DDX4: variants seen among roughly 807,000 people sequenced by gnomAD.
DDX4 encodes the protein DEAD-box helicase 4.
Under a neutral mutation model 100.0 loss-of-function variants are expected in DDX4, and 25 were observed. That is an observed-to-expected ratio of 0.25 (90% confidence interval 0.18 to 0.35). DDX4 has a LOEUF of 0.35. Among genes scored for constraint, DDX4 ranks in the 10% least tolerant of loss-of-function variants. The probability of loss-of-function intolerance (pLI) is 1.00; values close to 1 mark genes in which losing one functional copy is unlikely to be tolerated. For missense variants in DDX4, 635 were observed against 882.4 expected (o/e 0.72, Z 3.55); for synonymous variants, 259 against 275.7 (o/e 0.94, Z 0.60).
chr5:55,809,973 A>G (rs900851242), intron 18 of DDX4, among the ~76,000 whole-genome samples: 1 of 152,216 alleles, frequency 6.6e-6, no homozygotes, highest in African/African-American at 2.4e-5. Flanking sequence ...CCTGAGGGTA[A>G]AAGTATACTT....
At chr5:55,787,630 T>A (rs1812881) in intron 14 of DDX4, among the ~76,000 whole-genome samples, 3 of 151,924 alleles carry the variant, frequency 2.0e-5, no homozygotes, top group African/African-American at 7.3e-5. Flanking sequence ...CTTTGATAGG[T>A]TAGATTAATT....
At chr5:55,742,317 T>A (rs1038159052) in intron 2 of DDX4, 1 of 447,918 alleles carries the variant, frequency 2.2e-6, no homozygotes, top group African/African-American at 2.0e-5. Context: ...TAACTGACCG[T>A]GAATGTAAGC....
chr5:55,790,537 A>C, intron 15 of DDX4, 39 bp from the exon 16 acceptor site: 1 of 1,383,246 alleles, frequency 7.2e-7, no homozygotes, highest in Non-Finnish European at 1.0e-6. Context: ...CCTAATTTTT[A>C]AGTAACTAGA....
chr5:55,786,445 G>A (rs985097348), intron 13 of DDX4, 73 bp from the exon 14 acceptor site: 22 of 1,227,330 alleles, frequency 1.8e-5, no homozygotes, highest in South Asian at 1.6e-4. Flanking sequence ...AAAGTAGCTC[G>A]AATGAAATAT....
At chr5:55,795,998 G>C (rs891833101) in intron 17 of DDX4, among the ~76,000 whole-genome samples, 4 of 152,172 alleles carry the variant, frequency 2.6e-5, no homozygotes, top group Non-Finnish European at 5.9e-5. Context: ...CCAAGAAGCT[G>C]CTGGTGCAAG....
At chr5:55,808,820 A>C (rs1743925106) in intron 18 of DDX4, among the ~76,000 whole-genome samples, 1 of 152,158 alleles carries the variant, frequency 6.6e-6, no homozygotes, top group Admixed American at 6.5e-5. Flanking sequence ...GCGTGCTGGG[A>C]GAACCACTAC....
At chr5:55,807,808 T>A (rs1743839100) in intron 18 of DDX4, among the ~76,000 whole-genome samples, 1 of 152,198 alleles carries the variant, frequency 6.6e-6, no homozygotes, top group African/African-American at 2.4e-5. Flanking sequence ...GTCTTGGAGT[T>A]GCTCTTCTCG....
At chr5:55,788,859 A>G (rs1241174198) in intron 15 of DDX4, among the ~76,000 whole-genome samples, 3 of 152,202 alleles carry the variant, frequency 2.0e-5, no homozygotes, top group East Asian at 3.8e-4. Flanking sequence ...TGAGCCCAGG[A>G]GTTCAAGACC....
intron 4 of DDX4, 69 bp downstream of exon 4, chr5:55,760,346 C>T: frequency 7.0e-7 from 1 of 1,435,996 alleles, no homozygotes; most frequent in Non-Finnish European, 9.2e-7. Flanking sequence ...GCTTTCATGG[C>T]CATTTGGTAC....
In DDX4 at chr5:55,786,625, A is replaced by G; in HGVS notation, c.972A>G (p.Ala324=). 1 of 1,613,464 alleles carries G rather than the reference A, an allele frequency of 6.2e-7. No homozygotes were observed. The highest frequency in any genetic ancestry group is 8.5e-7 in the Non-Finnish European group (1 of 1,179,428). Residue 324 remains alanine (A), a synonymous_variant, in exon 14 of 22, where the codon GCA becomes GCG. Transcript: ENST00000505374. ...VQKYSIPIIL[A]GRDLMACAQT... ...AATACAGTATTCCTATCATACTTGCAGGACGAGATTTGATGGCTTGCGCTC... is the reference window on the plus strand; with the variant it reads ...AATACAGTATTCCTATCATACTTGCGGGACGAGATTTGATGGCTTGCGCTC...
chr5:55,816,266 A>G (rs146968412), intron 21 of DDX4, among the ~76,000 whole-genome samples, 197 bp from the exon 22 acceptor site: 204 of 152,288 alleles, frequency 1.3e-3, no homozygotes, highest in African/African-American at 4.7e-3. Flanking sequence ...CATTTTGTGC[A>G]ATTTAGATTT....
intron 8 of DDX4, 135 bp from the exon 9 acceptor site, chr5:55,780,931 A>C (rs1223392918): frequency 4.8e-6 from 3 of 627,288 alleles, no homozygotes; most frequent in Non-Finnish European, 7.9e-6. Context: ...AACTTAGTTT[A>C]ATAGGACAGT....
chr5:55,766,108 C>T (rs1410558730), intron 6 of DDX4, among the ~76,000 whole-genome samples: 2 of 151,834 alleles, frequency 1.3e-5, no homozygotes, highest in Admixed American at 6.6e-5. Flanking sequence ...TGAGCCACTG[C>T]GCCAGGCCAT....
chr5:55,770,098 C>A (rs1580547321), intron 7 of DDX4, among the ~76,000 whole-genome samples: 1 of 152,208 alleles, frequency 6.6e-6, no homozygotes, highest in Admixed American at 6.5e-5. Context: ...GAACTCCTGA[C>A]CCTCAGGAGC....
At chr5:55,782,104 C>G in intron 10 of DDX4, 123 bp downstream of exon 10, 1 of 1,077,270 alleles carries the variant, frequency 9.3e-7, no homozygotes, top group Non-Finnish European at 1.4e-6. Flanking sequence ...ACTGTTATTG[C>G]TTTTATACAC....
At chr5:55,808,155 GT>G (rs1743868184) in intron 18 of DDX4, among the ~76,000 whole-genome samples, 1 of 152,108 alleles carries the variant, frequency 6.6e-6, no homozygotes, top group South Asian at 2.1e-4. Flanking sequence ...TCATGCCTTG[GT>G]TTTCAGCTCC....
chr5:55,762,519 T>C (rs757041649), intron 4 of DDX4, among the ~76,000 whole-genome samples: 1 of 152,208 alleles, frequency 6.6e-6, no homozygotes, highest in Non-Finnish European at 1.5e-5. Context: ...GGGAATGCCA[T>C]GCCAAAGGAA....
Position 55,790,653 on chromosome 5 carries a change from A to G in DDX4, c.1250A>G (p.Asn417Ser). Residue 417 changes from asparagine (N) to serine (S), a missense_variant, in exon 16 of 22, where the codon AAT (asparagine) becomes AGT (serine). Asn to Ser is a conservative substitution (Grantham distance 46, BLOSUM62 1). This residue lies in a region of DDX4 where 446 missense variants were observed against 540.8 expected (regional missense o/e 0.82). Transcript: ENST00000505374. ...ATTCGACAAATAGTACAAGGCTGTA[A>G]TATATTATGTGCTACTCCTGGAAGA... ...HSIRQIVQGC[N>S]ILCATPGRLM... is the part of the protein sequence containing the mutation. The G allele has an allele frequency of 6.2e-7, 1 of 1,608,416 alleles. No homozygotes were observed. Among genetic ancestry groups the G allele is most frequent in the South Asian group, 1.1e-5 (1 of 90,980 alleles).
chr5:55,796,766 GCTTCC>G (rs1742966420), intron 17 of DDX4, among the ~76,000 whole-genome samples: 1 of 146,548 alleles, frequency 6.8e-6, no homozygotes, highest in South Asian at 2.2e-4. Flanking sequence ...CTTGCCTGCT[GCTTCC>G]CTAGATCAAG....
Sources: allele counts gnomAD v4.1 joint callset (sites outside exome capture counted in the v4.1 genomes callset), GRCh38; gene constraint gnomAD v4.1.1; regional missense constraint gnomAD v4.1.1; transcripts MANE v1.5; gene names NCBI Gene and HGNC (gene_info 2026-07-23, HGNC 2026-07-21).